Variants in CCSER1 observed in about 807,000 individuals in gnomAD.
CCSER1 encodes coiled-coil serine rich protein 1.
Under a neutral mutation model 82.0 loss-of-function variants are expected in CCSER1, and 41 were observed. The ratio of observed to expected loss-of-function variants is 0.50; its 90% CI spans 0.39 to 0.65. CCSER1 has a LOEUF of 0.65. Among genes scored for constraint, CCSER1 ranks in the 30% least tolerant of loss-of-function variants. The pLI is 0.00. For synonymous variants in CCSER1, 414 were observed against 383.9 expected, an observed-to-expected ratio of 1.08 and a Z score of -0.92; for missense variants, 1,119 against 1,064.2, an observed-to-expected ratio of 1.05 and a Z score of -0.72.
At chr4:91,362,121 G>T (rs898985403) in intron 10 of CCSER1, among the ~76,000 whole-genome samples, 1 of 151,810 alleles carries the variant, frequency 6.6e-6, no homozygotes. Flanking sequence ...AAGGAATCTA[G>T]GGAAGATAAG....
At chr4:90,885,938 C>T (rs1424230436) in intron 8 of CCSER1, among the ~76,000 whole-genome samples, 1 of 152,100 alleles carries the variant, frequency 6.6e-6, no homozygotes, top group Non-Finnish European at 1.5e-5. Flanking sequence ...GTCACTGACA[C>T]TTCTGCATCT....
At chr4:91,485,522 G>A (rs1014895824) in intron 10 of CCSER1, among the ~76,000 whole-genome samples, 44 of 152,194 alleles carry the variant, frequency 2.9e-4, no homozygotes, top group African/African-American at 9.1e-4. Context: ...AGGAGCCAGC[G>A]GTTGAATACT....
chr4:90,791,993 G>A (rs1755329487), intron 7 of CCSER1, among the ~76,000 whole-genome samples: 1 of 152,168 alleles, frequency 6.6e-6, no homozygotes. Context: ...CCTTGAACCA[G>A]TCCCACAGTA....
At chr4:91,568,129 T>C (rs1375315097) in intron 10 of CCSER1, among the ~76,000 whole-genome samples, 1 of 152,152 alleles carries the variant, frequency 6.6e-6, no homozygotes. Flanking sequence ...GAGTATAAAA[T>C]TTTTGGTTGA....
chr4:91,042,541 A>T (rs1438677145), intron 9 of CCSER1, among the ~76,000 whole-genome samples: 1 of 152,210 alleles, frequency 6.6e-6, no homozygotes, highest in Non-Finnish European at 1.5e-5. Flanking sequence ...GTCTGTGCAT[A>T]CATTAATGAA....
chr4:90,862,379 G>A (rs1765215567), intron 8 of CCSER1, among the ~76,000 whole-genome samples: 1 of 151,848 alleles, frequency 6.6e-6, no homozygotes, highest in Admixed American at 6.6e-5. Flanking sequence ...CTCTAATGAA[G>A]CATTTCAAAA....
chr4:91,046,651 A>T (rs533857831), intron 9 of CCSER1, among the ~76,000 whole-genome samples: 4 of 152,328 alleles, frequency 2.6e-5, no homozygotes, highest in Admixed American at 6.5e-5. Context: ...TATAGCTTCC[A>T]AAGTTGTGTG....
intron 4 of CCSER1, among the ~76,000 whole-genome samples, chr4:90,410,813 T>G (rs1430956586): frequency 6.6e-6 from 1 of 152,006 alleles, no homozygotes; most frequent in East Asian, 1.9e-4. Context: ...AAAAAACCCT[T>G]CAAAAAATCA....
Position 91,297,345 on chromosome 4 carries a change from C to T in CCSER1, c.2217+211351C>T, listed in dbSNP as rs115087830. ...AGTAAAAAGCCAAGAATGTTCTGCTCACCTGAGGAGAATGGATGCTTGTGT... is the reference window on the plus strand; with the variant it reads ...AGTAAAAAGCCAAGAATGTTCTGCTTACCTGAGGAGAATGGATGCTTGTGT... On this transcript the variant is annotated intron_variant, in intron 10 of 10. Coordinates refer to ENST00000509176, the MANE Select transcript of CCSER1 (RefSeq NM_001145065.2). Among the ~76,000 whole-genome samples the T allele has an allele frequency of 5.6e-3, 845 of 149,994 alleles. 3 individuals are homozygous for T. The highest frequency in any genetic ancestry group is 0.018 in the African/African-American group (732 of 40,766).
At chr4:91,386,771 G>T (rs1233187554) in intron 10 of CCSER1, among the ~76,000 whole-genome samples, 1 of 151,948 alleles carries the variant, frequency 6.6e-6, no homozygotes, top group Non-Finnish European at 1.5e-5. Context: ...TTATGTATTA[G>T]CCTTCCCACA....
At chr4:90,517,810 T>G (rs1772489890) in intron 5 of CCSER1, among the ~76,000 whole-genome samples, 1 of 152,112 alleles carries the variant, frequency 6.6e-6, no homozygotes, top group Non-Finnish European at 1.5e-5. Context: ...CCCACTTAGA[T>G]TATAATAATT....
chr4:91,400,355 G>A lies in CCSER1; in HGVS notation c.2218-198217G>A, dbSNP rs193184068. ...TGCTGAAGTTAAGTAGTACTAAGAA[G>A]GGCTCAGATTCAACACATCACATTT... On this transcript the variant is annotated intron_variant, in intron 10 of 10. Transcript: ENST00000509176. 3.0e-3 allele frequency among the ~76,000 whole-genome samples: 456 copies of A among 151,678 alleles called. 1 individual carries two copies. The highest frequency in any genetic ancestry group is 0.01 in the African/African-American group (429 of 41,390).
intron 10 of CCSER1, among the ~76,000 whole-genome samples, chr4:91,410,741 T>C (rs564091364): frequency 2.2e-4 from 33 of 152,314 alleles, no homozygotes; most frequent in African/African-American, 7.2e-4. Flanking sequence ...ATCTGGTCTA[T>C]TTCCCTTGGT....
chr4:91,141,490 G>C (rs530323719), intron 10 of CCSER1, among the ~76,000 whole-genome samples: 6 of 152,060 alleles, frequency 3.9e-5, no homozygotes, highest in Non-Finnish European at 8.8e-5. Flanking sequence ...AGTGTCTCAT[G>C]GTGTATATGT....
chr4:91,094,087 G>T (rs1197575634), intron 10 of CCSER1, among the ~76,000 whole-genome samples: 1 of 152,130 alleles, frequency 6.6e-6, no homozygotes, highest in Non-Finnish European at 1.5e-5. Flanking sequence ...AGTCCTCCAG[G>T]TGTCGAAGCA....
chr4:90,530,694 A>G (rs887157826), intron 5 of CCSER1, among the ~76,000 whole-genome samples: 10 of 152,192 alleles, frequency 6.6e-5, no homozygotes, highest in African/African-American at 2.4e-4. Flanking sequence ...ATGAGCATAT[A>G]GGAAGATCCT....
chr4:91,363,935 TC>T (rs555937980), intron 10 of CCSER1, among the ~76,000 whole-genome samples: 1 of 151,692 alleles, frequency 6.6e-6, no homozygotes, highest in Non-Finnish European at 1.5e-5. Flanking sequence ...TGGATTTGGA[TC>T]TTTAGTCTAT....
chr4:90,609,794 TGTGTACTTTA>T (rs1486178691), intron 5 of CCSER1, among the ~76,000 whole-genome samples: 2 of 152,202 alleles, frequency 1.3e-5, no homozygotes, highest in Admixed American at 1.3e-4. Context: ...CCCAGTTGGA[TGTGTACTTTA>T]GTAATCAGTG....
At chr4:90,282,574 A>C (rs988562636) in intron 1 of CCSER1, among the ~76,000 whole-genome samples, 2 of 151,892 alleles carry the variant, frequency 1.3e-5, no homozygotes, top group Non-Finnish European at 2.9e-5. Context: ...TGTAAGTATA[A>C]ATATAGAACT....
Sources: gnomAD v4.1 joint callset for allele counts (sites outside exome capture counted in the v4.1 genomes callset) on GRCh38, gnomAD v4.1.1 for gene constraint, MANE v1.5 for transcripts, NCBI Gene and HGNC (gene_info 2026-07-23, HGNC 2026-07-21) for gene names.